Variants in VWA3B observed in about 807,000 individuals in gnomAD.
VWA3B encodes von Willebrand factor A domain containing 3B.
VWA3B carries 138 observed loss-of-function variants against 158.3 expected under a neutral mutation model. The observed-to-expected ratio is 0.87, with a 90% CI of 0.76 to 1.00. VWA3B has a LOEUF of 1.00. Among genes scored for constraint, VWA3B ranks in the 50% least tolerant of loss-of-function variants. The probability of loss-of-function intolerance (pLI) is 0.00; values close to 1 mark genes in which losing one functional copy is unlikely to be tolerated. For missense variants in VWA3B, 1,555 were observed against 1,565.1 expected, an observed-to-expected ratio of 0.99 and a Z score of 0.11; for synonymous variants, 596 against 587.3, an observed-to-expected ratio of 1.01 and a Z score of -0.21.
At chr2:98,178,587 C>T (rs1045710001) in intron 8 of VWA3B, among the ~76,000 whole-genome samples, 21 of 152,162 alleles carry the variant, frequency 1.4e-4, no homozygotes, top group African/African-American at 3.1e-4. Flanking sequence ...TAGTACTTCA[C>T]TTGCATGTGT....
At chr2:98,225,187 G>C (rs550091001) in intron 14 of VWA3B, among the ~76,000 whole-genome samples, 1 of 152,186 alleles carries the variant, frequency 6.6e-6, no homozygotes, top group African/African-American at 2.4e-5. Flanking sequence ...ACCTGCCTTG[G>C]CTTCCCAATG....
rs369294078 is a variant in VWA3B, at chr2:98,231,169, G to C, written c.2308+962G>C. On this transcript the variant is annotated intron_variant, in intron 16 of 27. Coordinates refer to ENST00000477737, the MANE Select transcript of VWA3B (RefSeq NM_144992.5). ...ATAAATTGAGACACCATGTTCATAG[G>C]TTGAATGAATTGGTGTGATAGATGA... Among the ~76,000 whole-genome samples the C allele has an allele frequency of 3.2e-4, 49 of 152,280 alleles. No homozygotes were observed. In the East Asian group the frequency reaches 5.2e-3, roughly 16 times the overall value.
intron 26 of VWA3B, among the ~76,000 whole-genome samples, chr2:98,306,069 C>T (rs999722867): frequency 1.3e-5 from 2 of 152,130 alleles, no homozygotes; most frequent in Admixed American, 6.5e-5. Context: ...CATGCTTTCT[C>T]AGGTCTCTGT....
At chr2:98,096,513 C>A (rs1422807990) in intron 2 of VWA3B, among the ~76,000 whole-genome samples, 1 of 152,206 alleles carries the variant, frequency 6.6e-6, no homozygotes, top group Non-Finnish European at 1.5e-5. Context: ...AGCTGATCCA[C>A]CTGCCTCGGC....
chr2:98,195,153 A>T (rs185539920), intron 12 of VWA3B, among the ~76,000 whole-genome samples: 3 of 152,360 alleles, frequency 2.0e-5, no homozygotes, highest in East Asian at 1.9e-4. Flanking sequence ...GTTCTTAAAA[A>T]GTCAAATATA....
At chr2:98,279,787 G>A (rs967513203) in intron 22 of VWA3B, among the ~76,000 whole-genome samples, 5 of 152,150 alleles carry the variant, frequency 3.3e-5, no homozygotes, top group African/African-American at 1.2e-4. Context: ...AGCTTGGCGC[G>A]TGCCTCAAGA....
At position 98,312,188 on chromosome 2, in the gene VWA3B, C is replaced by G; in HGVS notation, c.3736-12C>G. On this transcript the variant is annotated splice_polypyrimidine_tract_variant and intron_variant, in intron 27 of 27. Transcript: ENST00000477737. ...TAACATCCTTAAGTAATGCTGAACTCTGCTTCCCCAGACAGCCCACCTCCA... is the reference window on the plus strand; with the variant it reads ...TAACATCCTTAAGTAATGCTGAACTGTGCTTCCCCAGACAGCCCACCTCCA... 2 of 1,614,180 alleles carry G rather than the reference C, an allele frequency of 1.2e-6. No individual in the cohort carries two copies. Among genetic ancestry groups the G allele is most frequent in the African/African-American group, 1.3e-5 (1 of 75,038 alleles).
chr2:98,168,370 C>CACAT (rs201475045), intron 8 of VWA3B, among the ~76,000 whole-genome samples: 6,901 of 116,160 alleles, frequency 0.059, 174 homozygotes, highest in Middle Eastern at 0.14. Flanking sequence ...ATCTAATACA[C>CACAT]ACACATACAC....
chr2:98,103,090 A>G (rs1266115627), intron 2 of VWA3B, among the ~76,000 whole-genome samples: 1 of 152,116 alleles, frequency 6.6e-6, no homozygotes, highest in East Asian at 1.9e-4. Flanking sequence ...ATCTGTAGTG[A>G]TGTCACCTCT....
chr2:98,274,059 G>A (rs1397410188), intron 22 of VWA3B, among the ~76,000 whole-genome samples: 1 of 152,160 alleles, frequency 6.6e-6, no homozygotes, highest in African/African-American at 2.4e-5. Context: ...AAAAATCATG[G>A]ATAGGATTCT....
chr2:98,197,402 TA>T (rs1682143727), intron 12 of VWA3B, among the ~76,000 whole-genome samples: 1 of 152,212 alleles, frequency 6.6e-6, no homozygotes, highest in African/African-American at 2.4e-5. Flanking sequence ...TTGTAAATAA[TA>T]AAAGTTTTGG....
rs542562822 is a variant in VWA3B, at chr2:98,205,056, G to A, written c.1738-6874G>A. Among the ~76,000 whole-genome samples, 480 of 152,308 alleles carry A rather than the reference G, an allele frequency of 3.2e-3. 1 individual carries two copies. The highest frequency in any genetic ancestry group is 0.011 in the African/African-American group (445 of 41,552). ...AACCCAGAAGCAGAGGCTGCAGTGA[G>A]CTGAGATGGCGTCACTGCACTCCAG... On this transcript the variant is annotated intron_variant, in intron 12 of 27. Transcript: ENST00000477737.
At chr2:98,185,716 T>C (rs1680985164) in intron 9 of VWA3B, among the ~76,000 whole-genome samples, 1 of 152,214 alleles carries the variant, frequency 6.6e-6, no homozygotes, top group Non-Finnish European at 1.5e-5. Flanking sequence ...CAGGCCGAAT[T>C]GTCCTTGTCC....
At position 98,190,166 on chromosome 2, in the gene VWA3B, A is replaced by G. The variant is rs371431229; in HGVS notation, c.1466+2037A>G. Among the ~76,000 whole-genome samples, 53 of 152,010 alleles carry G rather than the reference A, an allele frequency of 3.5e-4. No homozygotes were observed. In the East Asian group the frequency reaches 5.8e-3, roughly 17 times the overall value. On this transcript the variant is annotated intron_variant, in intron 10 of 27. Transcript: ENST00000477737. ...TGAGTATTTTTTATTATTACATTTT[A>G]TCTCCACTATTGTCTTATTAGCTCT...
intron 7 of VWA3B, among the ~76,000 whole-genome samples, chr2:98,158,374 C>T (rs1336452037): frequency 6.6e-6 from 1 of 152,220 alleles, no homozygotes; most frequent in Non-Finnish European, 1.5e-5. Flanking sequence ...CAGCCCACAA[C>T]AGCTGGCAGG....
At chr2:98,214,865 T>C (rs951428528) in intron 13 of VWA3B, among the ~76,000 whole-genome samples, 2 of 152,182 alleles carry the variant, frequency 1.3e-5, no homozygotes, top group African/African-American at 4.8e-5. Context: ...AGTATATCTG[T>C]ACGTGTAAAT....
chr2:98,155,972 T>C (rs769412938), intron 7 of VWA3B, among the ~76,000 whole-genome samples: 5 of 152,178 alleles, frequency 3.3e-5, no homozygotes, highest in Admixed American at 6.5e-5. Flanking sequence ...TTGTGAACTT[T>C]TGTTGCAAAG....
chr2:98,248,878 T>TC (rs1686604215), intron 19 of VWA3B, among the ~76,000 whole-genome samples: 1 of 9,284 alleles, frequency 1.1e-4, no homozygotes, highest in South Asian at 0.01. Flanking sequence ...TTTCTTTCTT[T>TC]CTTTCTCTCT....
At chr2:98,244,193 TTTTA>T (rs1686248893) in intron 19 of VWA3B, among the ~76,000 whole-genome samples, 1 of 152,208 alleles carries the variant, frequency 6.6e-6, no homozygotes, top group Non-Finnish European at 1.5e-5. Flanking sequence ...TTGGGATGAA[TTTTA>T]GTGATTACAC....
Sources: allele counts gnomAD v4.1 joint callset (sites outside exome capture counted in the v4.1 genomes callset), GRCh38; gene constraint gnomAD v4.1.1; transcripts MANE v1.5; gene names NCBI Gene and HGNC (gene_info 2026-07-23, HGNC 2026-07-21).